GMEB2: variants seen among roughly 807,000 people sequenced by gnomAD.
GMEB2 encodes glucocorticoid modulatory element-binding protein 2.
In GMEB2, 7 loss-of-function variants were observed where a neutral mutation model predicts 45.7. That is an observed-to-expected ratio of 0.15 (90% CI 0.09 to 0.29). GMEB2 has a LOEUF of 0.29. Ranked by LOEUF, GMEB2 falls within the 10% of genes least tolerant of loss-of-function variation. The pLI, the probability that GMEB2 is intolerant of heterozygous loss-of-function variation, is 1.00. For missense variants in GMEB2, 582 were observed against 739.2 expected (o/e 0.79, Z 2.47); for synonymous variants, 322 against 323.6 (o/e 1.00, Z 0.05).
intron 1 of GMEB2, among the ~76,000 whole-genome samples, chr20:63,625,979 A>T (rs955053852): frequency 2.0e-5 from 3 of 152,256 alleles, no homozygotes; most frequent in Non-Finnish European, 4.4e-5. Context: ...AAGTGTTAGC[A>T]AAGAAAGAGA....
Position 63,588,782 on chromosome 20 carries a change from G to A in GMEB2, c.*1307C>T, listed in dbSNP as rs1271469646. On this transcript the variant is annotated 3_prime_UTR_variant, in exon 10 of 10. Transcript: ENST00000370077. ...GGAATCTGGCACTCAGGGTCCTCCC[G>A]GGACATGCCCTGTTGGAGACGGCAG... 19 of 398,592 alleles carry A rather than the reference G, an allele frequency of 4.8e-5. No homozygotes were observed. The highest frequency in any genetic ancestry group is 1.2e-3 in the Middle Eastern group (2 of 1,610). 24.7% of individuals were successfully genotyped at this position (398,592 alleles called of 1,614,324 possible).
chr20:63,616,059 T>C lies in GMEB2; in HGVS notation c.131+3208A>G, dbSNP rs530721973. 3.3e-4 allele frequency among the ~76,000 whole-genome samples: 51 copies of C among 152,348 alleles called. No homozygotes were observed. In the South Asian group the frequency reaches 6.6e-3, roughly 20 times the overall value. On this transcript the variant is annotated intron_variant, in intron 2 of 9. Transcript: ENST00000370077. ...TTTCTAAATAATTCTAGCTATGAAA[T>C]AATTTTCTACCATATATATTTTGTA...
chr20:63,601,851 C>CT (rs11483962), intron 4 of GMEB2, among the ~76,000 whole-genome samples: 90,706 of 135,436 alleles, frequency 0.67, 32,907 homozygotes, highest in Non-Finnish European at 0.82. Context: ...GGGCCTGTGG[C>CT]TTCCGTGGGG....
At chr20:63,609,333 A>G (rs1194881656) in intron 2 of GMEB2, among the ~76,000 whole-genome samples, 9 of 97,226 alleles carry the variant, frequency 9.3e-5, no homozygotes, top group East Asian at 3.6e-4. Context: ...TTCTAGAAAC[A>G]TGCCACTCTG....
intron 4 of GMEB2, among the ~76,000 whole-genome samples, chr20:63,600,790 T>C (rs991605389): frequency 2.0e-5 from 3 of 152,092 alleles, no homozygotes; most frequent in African/African-American, 7.2e-5. Flanking sequence ...TTGACGTTTT[T>C]GGAGCTTGTG....
At chr20:63,603,178 T>C in intron 3 of GMEB2, 86 bp from the exon 4 acceptor site, 2 of 1,467,822 alleles carry the variant, frequency 1.4e-6, no homozygotes, top group Middle Eastern at 1.8e-4. Flanking sequence ...ATGCAGAAAA[T>C]AGCTACCAAC....
At chr20:63,605,526 T>TAAAAAAA (rs11306158) in intron 2 of GMEB2, among the ~76,000 whole-genome samples, 1 of 128,356 alleles carries the variant, frequency 7.8e-6, no homozygotes, top group Non-Finnish European at 1.6e-5. Context: ...CCGTCAAAAT[T>TAAAAAAA]AAAAAAAAAA....
At chr20:63,615,188 A>G (rs6011928) in intron 2 of GMEB2, among the ~76,000 whole-genome samples, 102,830 of 152,004 alleles carry the variant, frequency 0.68, 36,727 homozygotes, top group Non-Finnish European at 0.82. Flanking sequence ...CATCTGGCCC[A>G]GTCTCCTCGT....
chr20:63,602,308 T>C (rs892864318), intron 4 of GMEB2, among the ~76,000 whole-genome samples: 2 of 152,160 alleles, frequency 1.3e-5, no homozygotes, highest in African/African-American at 2.4e-5. Context: ...TGGGAGTACG[T>C]GGTGGATTCA....
chr20:63,600,604 G>A (rs6122486), intron 4 of GMEB2, among the ~76,000 whole-genome samples: 1 of 150,506 alleles, frequency 6.6e-6, no homozygotes, highest in Non-Finnish European at 1.5e-5. Context: ...CGTAGTCCCA[G>A]CTACTCAGGA....
chr20:63,601,339 C>T (rs1349405418), intron 4 of GMEB2, among the ~76,000 whole-genome samples: 1 of 152,132 alleles, frequency 6.6e-6, no homozygotes, highest in African/African-American at 2.4e-5. Flanking sequence ...GACTCTCTCT[C>T]CTCCTTCCAG....
rs367787871 is a variant in GMEB2, at chr20:63,597,744, C to T, written c.461+13G>A. The T allele has an allele frequency of 4.8e-5, 71 of 1,469,718 alleles. No homozygotes were observed. Among genetic ancestry groups the T allele is most frequent in the East Asian group, 4.3e-4 (19 of 44,236 alleles). The allele number at this position is 1,469,718 out of a possible 1,614,324, so 91.0% of individuals were successfully genotyped here. A position where few individuals can be genotyped will look rare whatever the true frequency, so the allele number is the denominator to read the frequency against. Reference sequence around the variant, plus strand: ...CCTTCCAGCAGGGAGGCTGACCCTGCGCCAGCGCCCACCTGAGCATGATGC... The same window carrying T: ...CCTTCCAGCAGGGAGGCTGACCCTGTGCCAGCGCCCACCTGAGCATGATGC... On this transcript the variant is annotated intron_variant, in intron 5 of 9. Transcript: ENST00000370077.
chr20:63,602,384 G>A (rs1484032938), intron 4 of GMEB2, among the ~76,000 whole-genome samples: 2 of 152,166 alleles, frequency 1.3e-5, no homozygotes, highest in African/African-American at 2.4e-5. Context: ...AGGAAGCCCT[G>A]GGCTTTGTCT....
intron 4 of GMEB2, among the ~76,000 whole-genome samples, chr20:63,600,658 C>T (rs996124167): frequency 1.6e-5 from 2 of 128,074 alleles, no homozygotes; most frequent in East Asian, 2.5e-4. Flanking sequence ...GCGGAGGTTG[C>T]GGTGAGCCAA....
chr20:63,605,074 A>G (rs2146072636), intron 2 of GMEB2, among the ~76,000 whole-genome samples: 1 of 151,748 alleles, frequency 6.6e-6, no homozygotes, highest in African/African-American at 2.4e-5. Flanking sequence ...AACACGGTGA[A>G]ACCCCATCTC....
chr20:63,626,601 C>T (rs1473698762), intron 1 of GMEB2, among the ~76,000 whole-genome samples: 2 of 144,514 alleles, frequency 1.4e-5, no homozygotes, highest in East Asian at 2.1e-4. Flanking sequence ...CTGTGGGTCG[C>T]GTCCCTGCGG....
rs2146072100 is a variant in GMEB2 at position 63,604,810 on chromosome 20, T to G, written c.162A>C (p.Thr54=). ...CGGCAGCTGCTGCCGCTGCATTTTC[T>G]GTCTCCATGTTATCTTCCGTCAGGT... ...GGDLTEDNME[T]ENAAAAAAAA... The change falls in exon 3 of 10, where the codon ACA becomes ACC. Residue 54 remains threonine, a synonymous_variant. Transcript: ENST00000370077. The G allele has an allele frequency of 6.2e-7, 1 of 1,611,180 alleles. No individual in the cohort carries two copies. The highest frequency in any genetic ancestry group is 2.2e-5 in the East Asian group (1 of 44,860).
intron 1 of GMEB2, among the ~76,000 whole-genome samples, chr20:63,626,168 C>T (rs2089670015): frequency 7.4e-6 from 1 of 135,712 alleles, no homozygotes; most frequent in Admixed American, 7.4e-5. Context: ...CCTACAGTGA[C>T]GCGGGCCCCT....
chr20:63,600,408 G>A (rs903264520), intron 4 of GMEB2, among the ~76,000 whole-genome samples: 3 of 151,474 alleles, frequency 2.0e-5, no homozygotes, highest in Non-Finnish European at 4.4e-5. Flanking sequence ...CTTGCTCTTC[G>A]GCTTTTGTCC....
Sources: allele counts gnomAD v4.1 joint callset (sites outside exome capture counted in the v4.1 genomes callset), GRCh38; gene constraint gnomAD v4.1.1; transcripts MANE v1.5; gene names NCBI Gene and HGNC (gene_info 2026-07-23, HGNC 2026-07-21).